ATG14: variants seen among roughly 807,000 people sequenced by gnomAD.
ATG14 encodes the protein beclin 1-associated autophagy-related key regulator.
ATG14 carries 35 observed loss-of-function variants against 60.4 expected under a neutral mutation model. The observed-to-expected ratio is 0.58, with a 90% confidence interval of 0.44 to 0.77. The LOEUF (loss-of-function observed/expected upper bound fraction) is 0.77. Ranked by LOEUF, ATG14 falls within the 30% of genes least tolerant of loss-of-function variation. ATG14 has a pLI of 0.00. For missense variants in ATG14, 647 were observed against 626.3 expected (o/e 1.03, Z -0.35); for synonymous variants, 234 against 228.8 (o/e 1.02, Z -0.21).
intron 1 of ATG14, among the ~76,000 whole-genome samples, chr14:55,402,495 A>C (rs1338972134): frequency 6.6e-6 from 1 of 152,220 alleles, no homozygotes; most frequent in Non-Finnish European, 1.5e-5. Context: ...ATCAGTCCTA[A>C]TAGCAAGAAA....
rs760861813 is a variant in ATG14 at position 55,411,582 on chromosome 14, G to T, written c.221+20C>A. The T allele has an allele frequency of 1.9e-6, 3 of 1,589,806 alleles. No individual in the cohort carries two copies. Among genetic ancestry groups the T allele is most frequent in the Non-Finnish European group, 2.6e-6 (3 of 1,168,732 alleles). On this transcript the variant is annotated intron_variant, in intron 1 of 9. Transcript: ENST00000247178. ...GGACACACAGCAGAAGAAACAATAG[G>T]GCCGTGGCGGCCGCCGTACCTCTCC...
At chr14:55,397,133 T>C (rs369796896) in intron 2 of ATG14, among the ~76,000 whole-genome samples, 3 of 152,212 alleles carry the variant, frequency 2.0e-5, no homozygotes, top group East Asian at 1.9e-4. Flanking sequence ...GTGCCAGGGA[T>C]TTGATTCACT....
At chr14:55,399,042 A>T (rs1015430075) in intron 1 of ATG14, among the ~76,000 whole-genome samples, 4 of 152,196 alleles carry the variant, frequency 2.6e-5, no homozygotes, top group Non-Finnish European at 4.4e-5. Flanking sequence ...CAGACCTAAA[A>T]ATATTCTGGA....
At chr14:55,384,965 A>G (rs981266293) in intron 5 of ATG14, among the ~76,000 whole-genome samples, 5 of 152,228 alleles carry the variant, frequency 3.3e-5, no homozygotes, top group Non-Finnish European at 7.3e-5. Context: ...GAACAGCCAG[A>G]TGGGGGAACC....
chr14:55,407,790 T>C (rs1885513729), intron 1 of ATG14, among the ~76,000 whole-genome samples: 2 of 151,988 alleles, frequency 1.3e-5, no homozygotes, highest in African/African-American at 2.4e-5. Context: ...AAATAATGAA[T>C]AGGGGAAAAG....
chr14:55,373,544 C>T (rs775325648), intron 9 of ATG14, among the ~76,000 whole-genome samples: 9 of 152,182 alleles, frequency 5.9e-5, no homozygotes, highest in African/African-American at 2.2e-4. Flanking sequence ...ACTGCAAACT[C>T]CGCCTCCTGG....
At chr14:55,396,074 C>T (rs1436951012) in intron 2 of ATG14, 92 bp from the exon 3 acceptor site, 8 of 929,754 alleles carry the variant, frequency 8.6e-6, no homozygotes, top group South Asian at 3.9e-5. Context: ...AAATTAAGTC[C>T]TTAGAAATGG....
intron 5 of ATG14, 37 bp from the exon 6 acceptor site, chr14:55,382,228 G>C (rs76241227): frequency 1.9e-6 from 3 of 1,602,256 alleles, no homozygotes; most frequent in Non-Finnish European, 2.6e-6. Flanking sequence ...TTTCAAGAGA[G>C]AGGGTTTTTA....
chr14:55,409,982 G>C (rs986711382), intron 1 of ATG14, among the ~76,000 whole-genome samples: 6 of 151,804 alleles, frequency 4.0e-5, no homozygotes, highest in African/African-American at 1.2e-4. Flanking sequence ...TTGAAGAGTA[G>C]ATGGGATTTG....
intron 3 of ATG14, among the ~76,000 whole-genome samples, chr14:55,393,548 ATTT>A (rs776111828): frequency 7.0e-6 from 1 of 142,880 alleles, no homozygotes. Context: ...ATCTTTTCAG[ATTT>A]TTTTTTTTTT....
rs2050669 is a variant in ATG14, at chr14:55,396,852, C to G, written c.284+520G>C. ...AACTCAGATTCCCACCATTCCCCCC[C>G]ACAAAAAAAACAAACCTCAGATTCC... On this transcript the variant is annotated intron_variant, in intron 2 of 9. Coordinates refer to ENST00000247178, the MANE Select transcript of ATG14 (RefSeq NM_014924.5). Among the ~76,000 whole-genome samples the G allele has an allele frequency of 3.2e-3, 485 of 151,976 alleles. 2 individuals carry two copies. Among genetic ancestry groups the G allele is most frequent in the African/African-American group, 0.011 (455 of 41,410 alleles).
At chr14:55,410,681 A>T (rs1305855637) in intron 1 of ATG14, among the ~76,000 whole-genome samples, 1 of 152,232 alleles carries the variant, frequency 6.6e-6, no homozygotes, top group African/African-American at 2.4e-5. Context: ...TCTTGTACCA[A>T]CACTTAACTA....
At chr14:55,393,186 C>T (rs1206607215) in intron 3 of ATG14, among the ~76,000 whole-genome samples, 2 of 151,938 alleles carry the variant, frequency 1.3e-5, no homozygotes, top group African/African-American at 4.8e-5. Flanking sequence ...TTGAGACCAT[C>T]CTGGCTAACA....
At position 55,378,085 on chromosome 14, in the gene ATG14, AACAT is replaced by A. The variant is rs769015992; in HGVS notation, c.996-15_996-12del. The A allele has an allele frequency of 1.9e-6, 3 of 1,606,872 alleles. No individual in the cohort carries two copies. The highest frequency in any genetic ancestry group is 1.3e-5 in the African/African-American group (1 of 74,582). On this transcript the variant is annotated splice_polypyrimidine_tract_variant and intron_variant, in intron 7 of 9. Transcript: ENST00000247178. ...TCGCCACAAAATTCACTGTAAAACA[AACAT>A]ACAATTTATAAAGTTGCATTTTTTG...
chr14:55,379,883 G>A (rs1884995662), intron 7 of ATG14, among the ~76,000 whole-genome samples: 2 of 152,168 alleles, frequency 1.3e-5, no homozygotes, highest in Non-Finnish European at 2.9e-5. Flanking sequence ...ACCATGCCCA[G>A]CTAGTTTTTG....
chr14:55,372,593 C>T (rs1884843918), intron 9 of ATG14, among the ~76,000 whole-genome samples: 1 of 151,722 alleles, frequency 6.6e-6, no homozygotes, highest in Admixed American at 6.6e-5. Flanking sequence ...CTTCCTCACT[C>T]CTTCCCTTCC....
intron 7 of ATG14, among the ~76,000 whole-genome samples, chr14:55,379,279 TA>T (rs1388551915): frequency 6.6e-6 from 1 of 152,096 alleles, no homozygotes; most frequent in African/African-American, 2.4e-5. Flanking sequence ...TTCATGCCTG[TA>T]ATCCCAGCAC....
At chr14:55,369,985 T>C in intron 9 of ATG14, 60 bp from the exon 10 acceptor site, 2 of 1,502,160 alleles carry the variant, frequency 1.3e-6, no homozygotes, top group Non-Finnish European at 1.8e-6. Flanking sequence ...CCAGAAAATA[T>C]GCCATCTTCC....
intron 1 of ATG14, among the ~76,000 whole-genome samples, chr14:55,409,126 G>A (rs1460617923): frequency 2.0e-5 from 3 of 152,144 alleles, no homozygotes; most frequent in African/African-American, 4.8e-5. Context: ...ACTAAAACTC[G>A]GATAGATTCA....
Sources: gnomAD v4.1 joint callset for allele counts (sites outside exome capture counted in the v4.1 genomes callset) on GRCh38, gnomAD v4.1.1 for gene constraint, MANE v1.5 for transcripts, NCBI Gene and HGNC (gene_info 2026-07-23, HGNC 2026-07-21) for gene names.